Variants in CREBBP observed in about 807,000 individuals in gnomAD.
CREBBP encodes CREB binding lysine acetyltransferase, also known as CREB-binding protein.
CREBBP carries 19 observed loss-of-function variants against 265.0 expected under a neutral mutation model. The ratio of observed to expected loss-of-function variants is 0.07; its 90% CI spans 0.05 to 0.11. CREBBP has a LOEUF of 0.11. Among genes scored for constraint, CREBBP ranks in the 10% least tolerant of loss-of-function variants. The probability of loss-of-function intolerance (pLI) is 1.00; values close to 1 mark genes in which losing one functional copy is unlikely to be tolerated. For missense variants in CREBBP, 2,525 were observed against 3,219.0 expected (o/e 0.78, Z 5.22); for synonymous variants, 1,457 against 1,223.7 (o/e 1.19, Z -3.98).
At chr16:3,755,754 G>A (rs2052571575) in intron 19 of CREBBP, among the ~76,000 whole-genome samples, 1 of 152,100 alleles carries the variant, frequency 6.6e-6, no homozygotes, top group South Asian at 2.1e-4. Context: ...ATTGATAAAG[G>A]GGAAGTTGAG....
intron 16 of CREBBP, among the ~76,000 whole-genome samples, chr16:3,759,848 A>G (rs2052671843): frequency 6.6e-6 from 1 of 152,218 alleles, no homozygotes; most frequent in Non-Finnish European, 1.5e-5. Flanking sequence ...TAATACAAAC[A>G]TAAAATACTG....
In CREBBP at chr16:3,829,909, C is replaced by A. The variant is rs554024381; in HGVS notation, c.799-19130G>T. 2.3e-4 allele frequency among the ~76,000 whole-genome samples: 35 copies of A among 151,958 alleles called. No homozygotes were observed. The South Asian group carries it at 6.7e-3, about 29-fold the overall frequency. ...TTGGAATTTGCCTCTACAAGAAGAG[C>A]AGGAAGGGAGAAAAAAAGGAACAAA... On this transcript the variant is annotated intron_variant, in intron 2 of 30. Transcript: ENST00000262367.
At position 3,850,914 on chromosome 16, in the gene CREBBP, G is replaced by C; in HGVS notation, c.181C>G (p.Pro61Ala). 1 of 1,614,136 alleles carries C rather than the reference G, an allele frequency of 6.2e-7. No individual in the cohort carries two copies. Among genetic ancestry groups the C allele is most frequent in the Non-Finnish European group, 8.5e-7 (1 of 1,180,048 alleles). Residue 61 changes from proline (P) to alanine (A), a missense_variant, in exon 2 of 31, where the codon CCA becomes GCA. Pro to Ala is a conservative substitution (Grantham distance 27). Around this residue, in one of 19 missense-constraint regions of CREBBP, gnomAD observed 356 missense variants for 340.4 expected, o/e 1.05. Transcript: ENST00000262367. The part of the protein sequence containing the change: ...LGLLNSGNLV[P>A]DAASKHKQLS... Reference sequence around the variant, plus strand: ...TGTTTATGTTTGGAAGCAGCATCTGGAACAAGGTTCCCACTGTTTAAAAGG... The same window carrying C: ...TGTTTATGTTTGGAAGCAGCATCTGCAACAAGGTTCCCACTGTTTAAAAGG...
At chr16:3,808,235 CAA>C (rs1402048534) in intron 3 of CREBBP, among the ~76,000 whole-genome samples, 2 of 152,130 alleles carry the variant, frequency 1.3e-5, no homozygotes, top group Non-Finnish European at 2.9e-5. Flanking sequence ...GGAAGACAAG[CAA>C]AAGGATGAGA....
In CREBBP at chr16:3,731,425, G is replaced by A. The variant is rs2051912881; in HGVS notation, c.4939C>T (p.Pro1647Ser). ...LHAGPVINTL[P>S]PIVDPDPLLS... ...AGGGGGTCGGGGTCGACGATGGGGG[G>A]CAGGGTGTTGATGACAGGCCCAGCG... Residue 1647 changes from proline to serine, a missense_variant, in exon 30 of 31, where the codon CCC (proline) becomes TCC (serine). Physicochemically the swap from Pro to Ser is moderately conservative, Grantham distance 74 (BLOSUM62 -1). Around this residue, in one of 19 missense-constraint regions of CREBBP, gnomAD observed 37 missense variants for 34.1 expected, o/e 1.09. Transcript: ENST00000262367. This position sits in a 1 kb window ranked among gnomAD's most constrained non-coding sequence, Gnocchi z 7.7. 6.2e-7 allele frequency: 1 copy of A among 1,603,064 alleles called. No individual in the cohort carries two copies. The highest frequency in any genetic ancestry group is 8.5e-7 in the Non-Finnish European group (1 of 1,175,602).
intron 1 of CREBBP, among the ~76,000 whole-genome samples, chr16:3,861,253 G>C (rs2141544867): frequency 6.6e-6 from 1 of 152,220 alleles, no homozygotes; most frequent in South Asian, 2.1e-4. Flanking sequence ...TGGGCAACAA[G>C]GGCAAAACTC....
intron 2 of CREBBP, among the ~76,000 whole-genome samples, chr16:3,849,421 GTGTGTGTGTGTGT>G (rs2054744690): frequency 2.2e-3 from 19 of 8,584 alleles, no homozygotes; most frequent in African/African-American, 2.3e-3. Flanking sequence ...GTGTGTGTGT[GTGTGTGTGTGTGT>G]GTGTGTGTGT....
intron 21 of CREBBP, among the ~76,000 whole-genome samples, chr16:3,748,988 A>G (rs1224759632): frequency 6.6e-6 from 1 of 152,198 alleles, no homozygotes; most frequent in Non-Finnish European, 1.5e-5. Flanking sequence ...TCTACTAAAA[A>G]TACAAAAAAT....
chr16:3,768,385 G>GATCC (rs2052917381), intron 15 of CREBBP, among the ~76,000 whole-genome samples: 1 of 151,952 alleles, frequency 6.6e-6, no homozygotes, highest in Non-Finnish European at 1.5e-5. Flanking sequence ...GACCTCAAGT[G>GATCC]ATCCACCTGC....
At position 3,749,661 on chromosome 16, in the gene CREBBP, C is replaced by G. The variant is rs747251277; in HGVS notation, c.3802G>C (p.Glu1268Gln). Residue 1268 changes from glutamate (E) to glutamine (Q), a missense_variant, in exon 21 of 31, where the codon GAA becomes CAA. Transcript: ENST00000262367. The stretch of plus-strand genomic sequence containing the variant: ...TCTAAGGTATCATTTTTCTTCTTTT[C>G]AAACTGATCCTTTGAAATTGTCCTT... ...PQTTISKDQF[E>Q]KKKNDTLDPE... is the part of the protein sequence containing the mutation. 6.2e-7 allele frequency: 1 copy of G among 1,603,754 alleles called. No homozygotes were observed. The highest frequency in any genetic ancestry group is 1.1e-5 in the South Asian group (1 of 90,466).
chr16:3,786,518 A>G (rs938189926), intron 5 of CREBBP, among the ~76,000 whole-genome samples: 1 of 152,232 alleles, frequency 6.6e-6, no homozygotes, highest in Non-Finnish European at 1.5e-5. Context: ...ACGGACATGA[A>G]TCAAATCTCC....
intron 2 of CREBBP, among the ~76,000 whole-genome samples, chr16:3,849,415 GTGTGTGTGTGTGTGTGTGTGTGTGT>G (rs2054741045): frequency 4.8e-4 from 3 of 6,302 alleles, no homozygotes; most frequent in African/African-American, 5.7e-4. Flanking sequence ...GTGTGTGTGT[GTGTGTGTGTGTGTGTGTGTGTGTGT>G]GTGTGTGTGT....
At chr16:3,754,273 G>A (rs1428044145) in intron 19 of CREBBP, among the ~76,000 whole-genome samples, 2 of 152,146 alleles carry the variant, frequency 1.3e-5, no homozygotes, top group African/African-American at 4.8e-5. Flanking sequence ...CACAGAAAAG[G>A]GAACAGTCAC....
chr16:3,726,170 T>G lies in CREBBP; in HGVS notation c.*1548A>C, dbSNP rs3179351. ...ACATGCTGCGCGGCAGCGGCAGGAT[T>G]TGGGGGGAAGTCAGAAAGCACCTCG... On this transcript the variant is annotated 3_prime_UTR_variant, in exon 31 of 31. Transcript: ENST00000262367. 14,195 of 229,892 alleles carry G rather than the reference T, an allele frequency of 0.062. 1,374 individuals are homozygous for G. The highest frequency in any genetic ancestry group is 0.24 in the African/African-American group (10,725 of 44,614). 14.2% of individuals were successfully genotyped at this position (229,892 alleles called of 1,614,324 possible). A position where few individuals can be genotyped will look rare whatever the true frequency, so the allele number is the denominator to read the frequency against.
chr16:3,808,883 TGG>T (rs1303649585), intron 3 of CREBBP, among the ~76,000 whole-genome samples: 1 of 152,102 alleles, frequency 6.6e-6, no homozygotes, highest in African/African-American at 2.4e-5. Context: ...CGGTGAGGAC[TGG>T]AAAAGGAAGC....
At chr16:3,859,929 A>G (rs1418970888) in intron 1 of CREBBP, among the ~76,000 whole-genome samples, 4 of 152,204 alleles carry the variant, frequency 2.6e-5, no homozygotes, top group Non-Finnish European at 4.4e-5. Flanking sequence ...GCTCTAGTAA[A>G]TTAATTGAAC....
At chr16:3,729,967 C>T in intron 30 of CREBBP, 93 bp from the exon 31 acceptor site, 2 of 1,552,556 alleles carry the variant, frequency 1.3e-6, no homozygotes, top group Non-Finnish European at 1.7e-6. Flanking sequence ...AAGTCTGGGT[C>T]TGTGCCAGGA....
chr16:3,762,361 C>CTTTTTTT (rs35125490), intron 16 of CREBBP, among the ~76,000 whole-genome samples: 1 of 118,688 alleles, frequency 8.4e-6, no homozygotes, highest in African/African-American at 3.2e-5. Flanking sequence ...ATTTTCTTTC[C>CTTTTTTT]TTTTTTTTTT....
chr16:3,732,328 C>T (rs1192651552), intron 28 of CREBBP, among the ~76,000 whole-genome samples: 1 of 152,198 alleles, frequency 6.6e-6, no homozygotes, highest in African/African-American at 2.4e-5. Context: ...CCCGAGAAAG[C>T]ATGAGAGCTT....
Sources: allele counts gnomAD v4.1 joint callset (sites outside exome capture counted in the v4.1 genomes callset), GRCh38; gene constraint gnomAD v4.1.1; regional missense constraint gnomAD v4.1.1; non-coding constraint Gnocchi (gnomAD v3.1); transcripts MANE v1.5; gene names NCBI Gene and HGNC (gene_info 2026-07-23, HGNC 2026-07-21).